AGMO: variants seen among roughly 807,000 people sequenced by gnomAD.
AGMO encodes alkylglycerol monooxygenase.
A neutral mutation model predicts 60.2 loss-of-function variants in AGMO; 75 were observed. The observed-to-expected ratio is 1.25, with a 90% confidence interval of 1.03 to 1.51. The LOEUF (loss-of-function observed/expected upper bound fraction) is 1.51. Ranked by LOEUF, AGMO falls within the 40% of genes most tolerant of loss-of-function variation. The pLI, the probability that AGMO is intolerant of heterozygous loss-of-function variation, is 0.00. For synonymous variants in AGMO, 261 were observed against 177.1 expected, an observed-to-expected ratio of 1.47 and a Z score of -3.76; for missense variants, 763 against 525.5, an observed-to-expected ratio of 1.45 and a Z score of -4.42.
chr7:15,367,577 T>C (rs951347871), intron 10 of AGMO, among the ~76,000 whole-genome samples: 4 of 152,108 alleles, frequency 2.6e-5, no homozygotes, highest in South Asian at 2.1e-4. Flanking sequence ...CAAAGCATGA[T>C]GACAGTAGAA....
At chr7:15,544,299 TCTCGGAAA>T (rs1227619115) in intron 3 of AGMO, among the ~76,000 whole-genome samples, 4 of 151,874 alleles carry the variant, frequency 2.6e-5, no homozygotes, top group African/African-American at 7.3e-5. Context: ...TGCACCACAG[TCTCGGAAA>T]TCAAAACTGA....
chr7:15,267,021 C>T (rs1783452722), intron 12 of AGMO, among the ~76,000 whole-genome samples: 1 of 151,882 alleles, frequency 6.6e-6, no homozygotes, highest in South Asian at 2.1e-4. Context: ...GAAGAGAGAA[C>T]ATAAAGAAAA....
At chr7:15,525,229 T>C (rs945305587) in intron 3 of AGMO, among the ~76,000 whole-genome samples, 2 of 152,162 alleles carry the variant, frequency 1.3e-5, no homozygotes, top group African/African-American at 2.4e-5. Flanking sequence ...CCTAGGCAGA[T>C]AGGGGTGGGC....
chr7:15,394,847 T>TA (rs987390889), intron 5 of AGMO, among the ~76,000 whole-genome samples: 33 of 152,318 alleles, frequency 2.2e-4, no homozygotes, highest in African/African-American at 7.9e-4. Context: ...CATTACATCT[T>TA]AGAGGCACAA....
chr7:15,132,867 G>A, the AGMO span, among the ~76,000 whole-genome samples: 490 of 152,268 alleles, frequency 3.2e-3, 2 homozygotes, highest in African/African-American at 0.011. Context: ...TGTCTGTTAA[G>A]AATGATCTGA....
At chr7:15,340,651 G>A (rs921502440) in intron 12 of AGMO, among the ~76,000 whole-genome samples, 1 of 152,192 alleles carries the variant, frequency 6.6e-6, no homozygotes, top group African/African-American at 2.4e-5. Context: ...GCTCCATGTG[G>A]TGTTGGTCCT....
In AGMO at chr7:15,555,962, G is replaced by A. The variant is rs771863027; in HGVS notation, c.257+4179C>T. 2.6e-5 allele frequency among the ~76,000 whole-genome samples: 4 copies of A among 151,842 alleles called. No individual in the cohort carries two copies. In the East Asian group the frequency reaches 7.7e-4, roughly 29 times the overall value. ...AATTATTTCTAAGTTAATACATTTAGTATTAATAATAAAGTACTATTATTA... is the reference window on the plus strand; with the variant it reads ...AATTATTTCTAAGTTAATACATTTAATATTAATAATAAAGTACTATTATTA... On this transcript the variant is annotated intron_variant, in intron 2 of 12. Transcript: ENST00000342526.
intron 12 of AGMO, among the ~76,000 whole-genome samples, chr7:15,350,734 TTC>T (rs1171409077): frequency 3.9e-5 from 6 of 152,186 alleles, no homozygotes; most frequent in African/African-American, 1.2e-4. Context: ...AACTTTTCCT[TTC>T]TGTGACAATT....
In AGMO at chr7:15,354,341, C is replaced by CACACGCGTGTATACAG. The variant is rs1782380425; in HGVS notation, c.1263+11172_1263+11173insCTGTATACACGCGTGT. ...GTGTATATACGTACGCGTGTATATA[C>CACACGCGTGTATACAG]ACGCGTGTATATAGACGTGTGTATA... On this transcript the variant is annotated intron_variant, in intron 12 of 12. Coordinates refer to ENST00000342526, the MANE Select transcript of AGMO (RefSeq NM_001004320.2). 5.9e-5 allele frequency among the ~76,000 whole-genome samples: 2 copies of CACACGCGTGTATACAG among 34,052 alleles called. 1 individual carries two copies. Among genetic ancestry groups the CACACGCGTGTATACAG allele is most frequent in the African/African-American group, 2.8e-4 (2 of 7,204 alleles). The allele number at this position is 34,052 out of a possible 152,430, so 22.3% of individuals were successfully genotyped here.
intron 12 of AGMO, among the ~76,000 whole-genome samples, chr7:15,286,584 G>A (rs1299848451): frequency 2.0e-5 from 3 of 151,996 alleles, no homozygotes; most frequent in Non-Finnish European, 4.4e-5. Flanking sequence ...ATAGATGTTT[G>A]TGCAGGTATG....
At chr7:15,320,049 T>A (rs772196467) in intron 12 of AGMO, among the ~76,000 whole-genome samples, 12 of 146,194 alleles carry the variant, frequency 8.2e-5, no homozygotes, top group Non-Finnish European at 1.6e-4. Flanking sequence ...CACTCATAGG[T>A]GGGAATTGAA....
At chr7:15,330,285 T>A (rs11975326) in intron 12 of AGMO, among the ~76,000 whole-genome samples, 4 of 152,108 alleles carry the variant, frequency 2.6e-5, no homozygotes, top group Non-Finnish European at 4.4e-5. Context: ...TTCCTTGAAA[T>A]CATTGATAAA....
chr7:15,424,201 T>C (rs747876601), intron 4 of AGMO, among the ~76,000 whole-genome samples: 50 of 152,178 alleles, frequency 3.3e-4, no homozygotes, highest in Admixed American at 1.4e-3. Flanking sequence ...TGGCAATGGC[T>C]GTTCAGTTAC....
At chr7:15,331,867 A>G (rs1257551843) in intron 12 of AGMO, among the ~76,000 whole-genome samples, 1 of 152,056 alleles carries the variant, frequency 6.6e-6, no homozygotes, top group East Asian at 1.9e-4. Flanking sequence ...GAGAGGTTGC[A>G]GTGAGCCAAG....
chr7:15,550,104 T>A (rs1451702732), intron 2 of AGMO, among the ~76,000 whole-genome samples: 2 of 152,002 alleles, frequency 1.3e-5, no homozygotes, highest in Non-Finnish European at 1.5e-5. Flanking sequence ...AATAAAGACG[T>A]TCTTTGAAAC....
the AGMO span, among the ~76,000 whole-genome samples, chr7:15,184,230 TGTAAG>T: frequency 8.3e-6 from 1 of 119,864 alleles, no homozygotes. Context: ...AAGTAAAAAA[TGTAAG>T]GAAGGAAGGA....
intron 12 of AGMO, among the ~76,000 whole-genome samples, chr7:15,325,265 A>G (rs557265640): frequency 1.3e-5 from 2 of 152,240 alleles, no homozygotes; most frequent in African/African-American, 4.8e-5. Context: ...GGAAGGCATT[A>G]AAGGCTAATA....
chr7:15,191,915 T>C, the AGMO span, among the ~76,000 whole-genome samples: 1 of 151,710 alleles, frequency 6.6e-6, no homozygotes, highest in African/African-American at 2.4e-5. Flanking sequence ...GGTAGAGTGA[T>C]TGTCTAAATC....
intron 3 of AGMO, among the ~76,000 whole-genome samples, chr7:15,458,917 T>C (rs1782064917): frequency 6.6e-6 from 1 of 152,148 alleles, no homozygotes; most frequent in African/African-American, 2.4e-5. Flanking sequence ...CAGCTTACAT[T>C]AGTTATTTTC....
Sources: gnomAD v4.1 joint callset for allele counts (sites outside exome capture counted in the v4.1 genomes callset) on GRCh38, gnomAD v4.1.1 for gene constraint, MANE v1.5 for transcripts, NCBI Gene and HGNC (gene_info 2026-07-23, HGNC 2026-07-21) for gene names.